PGR: variants seen among roughly 807,000 people sequenced by gnomAD.
PGR encodes progesterone receptor, also known as nuclear receptor subfamily 3 group C member 3.
A neutral mutation model predicts 76.1 loss-of-function variants in PGR; 25 were observed. The observed-to-expected ratio is 0.33, with a 90% CI of 0.24 to 0.46. The LOEUF is 0.46. PGR is among the 20% of genes least tolerant of loss of function. The pLI is 1.00. For missense variants in PGR, 1,172 were observed against 1,225.3 expected (o/e 0.96, Z 0.65); for synonymous variants, 579 against 535.0 (o/e 1.08, Z -1.14).
intron 2 of PGR, among the ~76,000 whole-genome samples, chr11:101,116,589 A>C (rs1862517903): frequency 6.6e-6 from 1 of 152,050 alleles, no homozygotes; most frequent in Admixed American, 6.6e-5. Context: ...AAAATAAAAA[A>C]ATTAGCTGGG....
chr11:101,127,369 G>T, intron 1 of PGR, 65 bp downstream of exon 1: 2 of 1,280,174 alleles, frequency 1.6e-6, no homozygotes, highest in Non-Finnish European at 2.1e-6. Flanking sequence ...AGGGTTGGCG[G>T]CCGCCGCCGC....
At chr11:101,079,801 C>T (rs1054208737) in intron 3 of PGR, among the ~76,000 whole-genome samples, 1 of 152,208 alleles carries the variant, frequency 6.6e-6, no homozygotes, top group Non-Finnish European at 1.5e-5. Flanking sequence ...AAGATATTAT[C>T]TGCATTCACA....
At chr11:101,063,867 T>C (rs1046012579) in intron 3 of PGR, 1 of 152,192 alleles carries the variant, frequency 6.6e-6, no homozygotes, top group South Asian at 2.1e-4. Context: ...GGCATGTGTA[T>C]TCCAGTTTTT....
chr11:101,070,552 C>G (rs1480024032), intron 3 of PGR, among the ~76,000 whole-genome samples: 1 of 152,192 alleles, frequency 6.6e-6, no homozygotes, highest in African/African-American at 2.4e-5. Flanking sequence ...CCCCACAGAG[C>G]CCAGTAAGTT....
Position 101,127,555 on chromosome 11 carries a change from C to G in PGR, c.1516G>C (p.Gly506Arg). The G allele has an allele frequency of 7.3e-7, 1 of 1,375,134 alleles. No individual in the cohort carries two copies. Among genetic ancestry groups the G allele is most frequent in the South Asian group, 1.7e-5 (1 of 57,334 alleles). The allele number at this position is 1,375,134 out of a possible 1,614,324, so 85.2% of individuals were successfully genotyped here. ...PSTSASAAAA[G>R]AAPALYPALG... The stretch of plus-strand genomic sequence containing the variant: ...GCAGGGTAGAGCGCGGGGGCCGCCC[C>G]GGCGGCGGCGGCAGAGGCGGAGGTG... The change falls in exon 1 of 8, where the codon GGG (glycine) becomes CGG (arginine). Residue 506 changes from glycine to arginine, a missense_variant. Coordinates refer to ENST00000325455, the MANE Select transcript of PGR (RefSeq NM_000926.4).
chr11:101,062,682 T>C lies in PGR; in HGVS notation c.1977A>G (p.Pro659=). The C allele has an allele frequency of 6.2e-7, 1 of 1,613,860 alleles. No homozygotes were observed. Among genetic ancestry groups the C allele is most frequent in the East Asian group, 2.2e-5 (1 of 44,864 alleles). The change falls in exon 4 of 8, where the codon CCA becomes CCG. Residue 659 remains proline (P), a synonymous_variant. Transcript: ENST00000325455. ...RALDAVALPQ[P]VGVPNESQAL... is the part of the protein sequence containing the mutation. Reference sequence around the variant, plus strand: ...CTTGGCTTTCATTTGGAACGCCCACTGGCTGTGGGAGAGCAACAGCATCCA... The same window carrying C: ...CTTGGCTTTCATTTGGAACGCCCACCGGCTGTGGGAGAGCAACAGCATCCA...
intron 2 of PGR, among the ~76,000 whole-genome samples, chr11:101,098,262 T>A (rs1371801481): frequency 6.6e-6 from 1 of 152,174 alleles, no homozygotes; most frequent in Non-Finnish European, 1.5e-5. Context: ...GACTTACCTG[T>A]AAAATAAGAG....
Position 101,128,757 on chromosome 11 carries a change from T to C in PGR, c.314A>G (p.Glu105Gly). ...ACTGTCCAGCAGTCCGCTGTCCTTT[T>C]CTGGGGGACTAGAACTGCTGCCTCC... ...GAGGSSSSPP[E>G]KDSGLLDSVL... is the part of the protein sequence containing the mutation. The change falls in exon 1 of 8, where the codon GAA (glutamate) becomes GGA (glycine). Residue 105 changes from glutamate to glycine, a missense_variant. Coordinates refer to ENST00000325455, the MANE Select transcript of PGR (RefSeq NM_000926.4). The C allele has an allele frequency of 6.2e-7, 1 of 1,613,846 alleles. No individual in the cohort carries two copies. The highest frequency in any genetic ancestry group is 8.5e-7 in the Non-Finnish European group (1 of 1,180,012).
chr11:101,092,242 G>A (rs1350643578), intron 2 of PGR, among the ~76,000 whole-genome samples: 2 of 152,138 alleles, frequency 1.3e-5, no homozygotes, highest in Admixed American at 6.6e-5. Context: ...TCAAACTCTA[G>A]TAAAACCTTT....
intron 3 of PGR, among the ~76,000 whole-genome samples, chr11:101,084,820 G>T (rs1225569900): frequency 2.6e-5 from 4 of 152,114 alleles, no homozygotes; most frequent in Non-Finnish European, 4.4e-5. Flanking sequence ...AAGAGCAGGG[G>T]TTGCTATTCT....
Position 101,128,645 on chromosome 11 carries a change from C to T in PGR, c.426G>A (p.Leu142=). 3 of 1,591,126 alleles carry T rather than the reference C, an allele frequency of 1.9e-6. No homozygotes were observed. Among genetic ancestry groups the T allele is most frequent in the Non-Finnish European group, 2.6e-6 (3 of 1,170,106 alleles). ...GATCTTCGGGAAGTTCGGGGCCAAA[C>T]AGGCACCAAGAGCTGGTGACCTCGC... is the stretch of plus-strand genomic sequence containing the variant. ...PACEVTSSWC[L]FGPELPEDPP... The change falls in exon 1 of 8, where the codon CTG becomes CTA. Residue 142 remains leucine, a synonymous_variant. Coordinates refer to ENST00000325455, the MANE Select transcript of PGR (RefSeq NM_000926.4).
At chr11:101,118,159 T>C (rs182315220) in intron 2 of PGR, among the ~76,000 whole-genome samples, 16 of 152,344 alleles carry the variant, frequency 1.1e-4, no homozygotes, top group Middle Eastern at 3.4e-3. Context: ...GTTAAGGGCA[T>C]TGACTCCAGG....
chr11:101,116,533 A>G (rs184206422), intron 2 of PGR, among the ~76,000 whole-genome samples: 1 of 152,178 alleles, frequency 6.6e-6, no homozygotes, highest in African/African-American at 2.4e-5. Flanking sequence ...TGAGGTCAGG[A>G]GTTCGAGACC....
chr11:101,127,440 T>A lies in PGR; in HGVS notation c.1631A>T (p.Tyr544Phe). Reference protein sequence around the residue: ...LPQVYPPYLNYLRPDSEASQS... With the variant: ...LPQVYPPYLNFLRPDSEASQS... ...CCCCGTCCCGGGCCCTCACCTCAGGTAGTTGAGATAGGGCGGGTAGACCTG... is the reference window on the plus strand; with the variant it reads ...CCCCGTCCCGGGCCCTCACCTCAGGAAGTTGAGATAGGGCGGGTAGACCTG... Residue 544 changes from tyrosine to phenylalanine, a missense_variant, in exon 1 of 8, where the codon TAC becomes TTC. By Grantham distance (22) the Tyr-to-Phe change is conservative (BLOSUM62 3). Transcript: ENST00000325455. The A allele has an allele frequency of 6.5e-7, 1 of 1,548,930 alleles. No homozygotes were observed. Among genetic ancestry groups the A allele is most frequent in the Non-Finnish European group, 8.7e-7 (1 of 1,149,488 alleles).
chr11:101,069,759 GA>G (rs1860853841), intron 3 of PGR, among the ~76,000 whole-genome samples: 1 of 151,972 alleles, frequency 6.6e-6, no homozygotes, highest in Admixed American at 6.6e-5. Flanking sequence ...CACAAGAACA[GA>G]AAACCAAACA....
chr11:101,129,398 G>C lies in PGR; in HGVS notation c.-328C>G, dbSNP rs1174123977. 1 of 320,368 alleles carries C rather than the reference G, an allele frequency of 3.1e-6. No individual in the cohort carries two copies. Among genetic ancestry groups the C allele is most frequent in the Non-Finnish European group, 5.7e-6 (1 of 174,264 alleles). The allele number at this position is 320,368 out of a possible 1,614,324, so 19.8% of individuals were successfully genotyped here. On this transcript the variant is annotated 5_prime_UTR_variant, in exon 1 of 8. Transcript: ENST00000325455. ...TCTCCAAGAGAGTTCTCCAACTTCT[G>C]TCCGAGGACTGGAGACGCAGAGTAC...
At position 101,038,895 on chromosome 11, in the gene PGR, C is replaced by A; in HGVS notation, c.*221G>T. On this transcript the variant is annotated 3_prime_UTR_variant, in exon 8 of 8. Coordinates refer to ENST00000325455, the MANE Select transcript of PGR (RefSeq NM_000926.4). ...TAGTACTTTTTCAATCTTGTAAATT[C>A]TTCAAGAAAATATGGGTAAACAAAA... The A allele has an allele frequency of 2.2e-6, 1 of 444,500 alleles. No individual in the cohort carries two copies. 27.5% of individuals were successfully genotyped at this position (444,500 alleles called of 1,614,324 possible). A position where few individuals can be genotyped will look rare whatever the true frequency, so the allele number is the denominator to read the frequency against.
intron 2 of PGR, among the ~76,000 whole-genome samples, chr11:101,107,836 C>G (rs1207727285): frequency 7.4e-6 from 1 of 134,988 alleles, no homozygotes; most frequent in Non-Finnish European, 1.5e-5. Context: ...TTTCTAGAAT[C>G]TCCCCAGTCT....
At chr11:101,059,842 C>CAAAAAAAAAAAAAAAAAAAAAAAAAA (rs781123527) in intron 4 of PGR, among the ~76,000 whole-genome samples, 23 of 62,770 alleles carry the variant, frequency 3.7e-4, no homozygotes, top group East Asian at 2.9e-3. Flanking sequence ...GACCCTCTCT[C>CAAAAAAAAAAAAAAAAAAAAAAAAAA]AAAAAAAAAA....
Sources: gnomAD v4.1 joint callset for allele counts (sites outside exome capture counted in the v4.1 genomes callset) on GRCh38, gnomAD v4.1.1 for gene constraint, MANE v1.5 for transcripts, NCBI Gene and HGNC (gene_info 2026-07-23, HGNC 2026-07-21) for gene names.